PA2G4: variants seen among roughly 807,000 people sequenced by gnomAD.
PA2G4 encodes the protein proliferation-associated 2G4.
A neutral mutation model predicts 53.3 loss-of-function variants in PA2G4; 8 were observed. The observed-to-expected ratio is 0.15, with a 90% CI of 0.09 to 0.27. PA2G4 has a LOEUF of 0.27. Ranked by LOEUF, PA2G4 falls within the 10% of genes least tolerant of loss-of-function variation. The pLI is 1.00. For synonymous variants in PA2G4, 143 were observed against 169.8 expected (o/e 0.84, Z 1.23); for missense variants, 208 against 486.8 (o/e 0.43, Z 5.39).
chr12:56,112,683 G>A, intron 12 of PA2G4, 140 bp from the exon 13 acceptor site: 2 of 618,714 alleles, frequency 3.2e-6, no homozygotes, highest in South Asian at 3.8e-5. Flanking sequence ...CTGAGCCCAG[G>A]GAAGTGGTAC....
chr12:56,105,240 G>A, intron 1 of PA2G4: 2 of 408,602 alleles, frequency 4.9e-6, no homozygotes, highest in South Asian at 1.8e-5. Context: ...GCGTCTCCGG[G>A]GCGTCAGGAG....
chr12:56,106,499 A>G, intron 1 of PA2G4, 89 bp from the exon 2 acceptor site: 1 of 1,383,202 alleles, frequency 7.2e-7, no homozygotes, highest in Non-Finnish European at 9.5e-7. Context: ...GTATTATGGA[A>G]ACTCTTAAAT....
intron 6 of PA2G4, 35 bp from the exon 7 acceptor site, chr12:56,109,822 G>A (rs747492690): frequency 2.0e-6 from 3 of 1,522,910 alleles, no homozygotes; most frequent in Non-Finnish European, 2.7e-6. Flanking sequence ...TGGGATACTG[G>A]ATAGCTTGTT....
chr12:56,107,299 G>A (rs1440494159), intron 4 of PA2G4, 43 bp downstream of exon 4: 1 of 1,458,146 alleles, frequency 6.9e-7, no homozygotes, highest in Admixed American at 1.7e-5. Flanking sequence ...TTGGGGTAGA[G>A]GGAATGCACT....
In PA2G4 at chr12:56,107,525, C is replaced by T. The variant is rs1185101770; in HGVS notation, c.398C>T (p.Thr133Ile). 1 of 1,611,130 alleles carries T rather than the reference C, an allele frequency of 6.2e-7. No homozygotes were observed. Among genetic ancestry groups the T allele is most frequent in the Non-Finnish European group, 8.5e-7 (1 of 1,177,400 alleles). Reference sequence around the variant, plus strand: ...ATTGCATGTCCTTATCTACAGGGGACCCAAGTAACAGGGAGGAAAGCAGAT... The same window carrying T: ...ATTGCATGTCCTTATCTACAGGGGATCCAAGTAACAGGGAGGAAAGCAGAT... ...HTFVVDVAQG[T>I]QVTGRKADVI... The change falls in exon 5 of 13, where the codon ACC (threonine) becomes ATC (isoleucine). Residue 133 changes from threonine to isoleucine, a missense_variant. Physicochemically the swap from Thr to Ile is moderately conservative, Grantham distance 89. Coordinates refer to ENST00000303305, the MANE Select transcript of PA2G4 (RefSeq NM_006191.3).
intron 1 of PA2G4, among the ~76,000 whole-genome samples, chr12:56,105,292 G>A (rs537325628): frequency 6.6e-6 from 1 of 152,246 alleles, no homozygotes; most frequent in African/African-American, 2.4e-5. Flanking sequence ...CGGATGGCTG[G>A]CCCCCTTCTT....
chr12:56,113,031 C>A lies in PA2G4; in HGVS notation c.*143C>A. 1 of 515,846 alleles carries A rather than the reference C, an allele frequency of 1.9e-6. No individual in the cohort carries two copies. The highest frequency in any genetic ancestry group is 3.3e-6 in the Non-Finnish European group (1 of 299,898). The allele number at this position is 515,846 out of a possible 1,614,324, so 32.0% of individuals were successfully genotyped here. A position where few individuals can be genotyped will look rare whatever the true frequency, so the allele number is the denominator to read the frequency against. On this transcript the variant is annotated 3_prime_UTR_variant, in exon 13 of 13. Transcript: ENST00000303305. The stretch of plus-strand genomic sequence containing the variant: ...CCTGCCCCCACCCCAGTTCCCCAAC[C>A]CACTCCCTTCCAACAACAACCAGCT...
chr12:56,105,853 G>A (rs1869288426), intron 1 of PA2G4, among the ~76,000 whole-genome samples: 1 of 152,310 alleles, frequency 6.6e-6, no homozygotes, highest in South Asian at 2.1e-4. Context: ...GTGGGGAACA[G>A]GTATTTAGGA....
chr12:56,110,074 C>G (rs1002257371), intron 7 of PA2G4, 139 bp downstream of exon 7: 28 of 706,308 alleles, frequency 4.0e-5, no homozygotes, highest in African/African-American at 1.8e-4. Flanking sequence ...TTCCCTTTCT[C>G]TAGGCCGGGC....
chr12:56,113,309 G>A lies in PA2G4; in HGVS notation c.*421G>A, dbSNP rs1463747244. Reference sequence around the variant, plus strand: ...TCTGATGTCAGCATTTTTTCCATCTGTTTGGGGCTTTTTCCTCTTTTTTCC... The same window carrying A: ...TCTGATGTCAGCATTTTTTCCATCTATTTGGGGCTTTTTCCTCTTTTTTCC... On this transcript the variant is annotated 3_prime_UTR_variant, in exon 13 of 13. Coordinates refer to ENST00000303305, the MANE Select transcript of PA2G4 (RefSeq NM_006191.3). The A allele has an allele frequency of 6.0e-6, 1 of 166,446 alleles. No individual in the cohort carries two copies. Among genetic ancestry groups the A allele is most frequent in the African/African-American group, 2.4e-5 (1 of 41,754 alleles). 10.3% of individuals were successfully genotyped at this position (166,446 alleles called of 1,614,324 possible).
chr12:56,109,211 TTTGA>T lies in PA2G4; in HGVS notation c.487-17_487-14del, dbSNP rs1216249257. ...TTAGCTCCTGATATCTCACCTTTCA[TTTGA>T]TGTTGTACTTCTAGAACACACAAGT... is the stretch of plus-strand genomic sequence containing the variant. On this transcript the variant is annotated splice_polypyrimidine_tract_variant and intron_variant, in intron 5 of 12. Transcript: ENST00000303305. 1.9e-6 allele frequency: 3 copies of T among 1,587,590 alleles called. No homozygotes were observed. In the African/African-American group the frequency reaches 4.0e-5, roughly 21 times the overall value.
intron 5 of PA2G4, among the ~76,000 whole-genome samples, chr12:56,108,573 ATTC>A (rs1351601339): frequency 6.6e-6 from 1 of 152,226 alleles, no homozygotes; most frequent in East Asian, 1.9e-4. Flanking sequence ...GTGTTAGATA[ATTC>A]TGCCCAACTG....
chr12:56,107,014 C>T lies in PA2G4; in HGVS notation c.242C>T (p.Ser81Leu). Residue 81 changes from serine to leucine, a missense_variant, in exon 3 of 13, where the codon TCG (serine) becomes TTG (leucine). By Grantham distance (145) the Ser-to-Leu change is moderately radical. Transcript: ENST00000303305. ...KKGIAFPTSI[S>L]VNNCVCHFSP... ...GGTATTGCTTTTCCCACCAGCATTTCGGTAAATAACTGTGTATGTCACTTC... is the reference window on the plus strand; with the variant it reads ...GGTATTGCTTTTCCCACCAGCATTTTGGTAAATAACTGTGTATGTCACTTC... 6.2e-7 allele frequency: 1 copy of T among 1,613,130 alleles called. No individual in the cohort carries two copies. The highest frequency in any genetic ancestry group is 8.5e-7 in the Non-Finnish European group (1 of 1,179,472).
chr12:56,112,990 A>G lies in PA2G4; in HGVS notation c.*102A>G. 1 of 732,394 alleles carries G rather than the reference A, an allele frequency of 1.4e-6. No individual in the cohort carries two copies. Among genetic ancestry groups the G allele is most frequent in the Non-Finnish European group, 2.2e-6 (1 of 464,852 alleles). 45.4% of individuals were successfully genotyped at this position (732,394 alleles called of 1,614,324 possible). Reference sequence around the variant, plus strand: ...TTCTTCTCCACCTAGGACCGCCAGCAGAGCGGGGGGATCTCCCTGCCCCCA... The same window carrying G: ...TTCTTCTCCACCTAGGACCGCCAGCGGAGCGGGGGGATCTCCCTGCCCCCA... On this transcript the variant is annotated 3_prime_UTR_variant, in exon 13 of 13. Coordinates refer to ENST00000303305, the MANE Select transcript of PA2G4 (RefSeq NM_006191.3).
chr12:56,110,328 C>T (rs1869393275), intron 7 of PA2G4, 71 bp from the exon 8 acceptor site: 1 of 952,040 alleles, frequency 1.1e-6, no homozygotes, highest in Non-Finnish European at 1.7e-6. Flanking sequence ...CCACTGCACT[C>T]CAGCCTGGGT....
At chr12:56,110,782 G>C in intron 9 of PA2G4, 90 bp downstream of exon 9, 1 of 1,518,788 alleles carries the variant, frequency 6.6e-7, no homozygotes, top group South Asian at 1.1e-5. Context: ...GCCTAGACTT[G>C]TAGCGTGCAT....
intron 8 of PA2G4, 36 bp downstream of exon 8, chr12:56,110,513 CT>C (rs1869398622): frequency 6.2e-7 from 1 of 1,613,688 alleles, no homozygotes; most frequent in African/African-American, 1.3e-5. Context: ...AGAGGGGTGA[CT>C]GAGAGTGTTC....
chr12:56,112,356 G>A (rs550330112), intron 12 of PA2G4, among the ~76,000 whole-genome samples: 2 of 152,292 alleles, frequency 1.3e-5, no homozygotes, highest in East Asian at 1.9e-4. Context: ...ATCATGTATC[G>A]AAATATCCAT....
In PA2G4 at chr12:56,110,429, A is replaced by G. The variant is rs768827155; in HGVS notation, c.660A>G (p.Val220=). 2 of 1,611,714 alleles carry G rather than the reference A, an allele frequency of 1.2e-6. No individual in the cohort carries two copies. The highest frequency in any genetic ancestry group is 1.7e-5 in the Admixed American group (1 of 60,004). Residue 220 remains valine, a synonymous_variant, in exon 8 of 13, where the codon GTA becomes GTG. Transcript: ENST00000303305. ...KKDHEKAEFE[V]HEVYAVDVLV... ...ACCATGAAAAAGCTGAATTTGAGGT[A>G]CATGAAGTATATGCTGTGGATGTTC...
Sources: allele counts gnomAD v4.1 joint callset (sites outside exome capture counted in the v4.1 genomes callset), GRCh38; gene constraint gnomAD v4.1.1; transcripts MANE v1.5; gene names NCBI Gene and HGNC (gene_info 2026-07-23, HGNC 2026-07-21).